The following SCARB1 variants were observed in gnomAD, a reference collection of about 807,000 sequenced individuals.
The protein encoded by SCARB1 is scavenger receptor class B member 1, also known as CD36 and LIMPII analogous 1.
SCARB1 carries 30 observed loss-of-function variants against 57.2 expected under a neutral mutation model. That is an observed-to-expected ratio of 0.52 (90% CI 0.39 to 0.71). The LOEUF (loss-of-function observed/expected upper bound fraction) is 0.71, where lower values mean the gene tolerates loss of function less well. Among genes scored for constraint, SCARB1 ranks in the 30% least tolerant of loss-of-function variants. The pLI is 0.00. For missense variants in SCARB1, 543 were observed against 671.2 expected (o/e 0.81, Z 2.11); for synonymous variants, 249 against 268.3 (o/e 0.93, Z 0.70).
intron 1 of SCARB1, among the ~76,000 whole-genome samples, chr12:124,838,598 G>A (rs1951784730): frequency 6.6e-6 from 1 of 151,986 alleles, no homozygotes; most frequent in Non-Finnish European, 1.5e-5. Context: ...TCTGCAACAG[G>A]CTCAGCATGT....
rs35835693 is a variant in SCARB1 at position 124,854,794 on chromosome 12, G to A, written c.126+8801C>T. On this transcript the variant is annotated intron_variant, in intron 1 of 12. Coordinates refer to ENST00000261693, the MANE Select transcript of SCARB1 (RefSeq NM_005505.5). ...GCTGGTGGGAGCCACAGGTGTGGCC[G>A]AGGGTGATGAGGAGCCAGCCGGGGC... is the stretch of plus-strand genomic sequence containing the variant. Among the ~76,000 whole-genome samples the A allele has an allele frequency of 5.9e-4, 90 of 152,274 alleles. 5 individuals are homozygous for A. The highest frequency in any genetic ancestry group is 1.7e-3 in the African/African-American group (72 of 41,546).
intron 7 of SCARB1, among the ~76,000 whole-genome samples, chr12:124,806,002 C>T (rs1950310390): frequency 6.6e-6 from 1 of 152,124 alleles, no homozygotes; most frequent in African/African-American, 2.4e-5. Context: ...ATTTAACTTC[C>T]GGCCGGTGCA....
rs1166638905 is a variant in SCARB1, at chr12:124,796,818, G to A, written c.1129-1550C>T. ...TGCCCTCGAGAGCCTGGTGGGATGG[G>A]CATGAGATCACCCGTGAGTAGAACA... On this transcript the variant is annotated intron_variant, in intron 8 of 12. Coordinates refer to ENST00000261693, the MANE Select transcript of SCARB1 (RefSeq NM_005505.5). This position sits in a 1 kb window ranked among gnomAD's most constrained non-coding sequence, Gnocchi z 4.0. 3.9e-5 allele frequency among the ~76,000 whole-genome samples: 6 copies of A among 152,146 alleles called. No individual in the cohort carries two copies. The highest frequency in any genetic ancestry group is 3.9e-4 in the Admixed American group (6 of 15,280).
Position 124,796,895 on chromosome 12 carries a change from C to G in SCARB1, c.1129-1627G>C, listed in dbSNP as rs1949961589. On this transcript the variant is annotated intron_variant, in intron 8 of 12. Transcript: ENST00000261693. The surrounding 1 kb of genome is among the most constrained non-coding windows in gnomAD (Gnocchi z 4.0). Reference sequence around the variant, plus strand: ...CTCTCCTTAGGAATTCTGCTGGCATCTGGGAACCCAGATTTCAGGAGGGTC... The same window carrying G: ...CTCTCCTTAGGAATTCTGCTGGCATGTGGGAACCCAGATTTCAGGAGGGTC... Among the ~76,000 whole-genome samples the G allele has an allele frequency of 6.6e-6, 1 of 152,190 alleles. No individual in the cohort carries two copies. The highest frequency in any genetic ancestry group is 2.4e-5 in the African/African-American group (1 of 41,442).
At chr12:124,860,587 G>A (rs979225186) in intron 1 of SCARB1, among the ~76,000 whole-genome samples, 1 of 152,252 alleles carries the variant, frequency 6.6e-6, no homozygotes, top group Non-Finnish European at 1.5e-5. Flanking sequence ...GTGGGTGGAT[G>A]CAGCAACAGA....
At chr12:124,863,379 G>A (rs1952980056) in intron 1 of SCARB1, among the ~76,000 whole-genome samples, 1 of 152,142 alleles carries the variant, frequency 6.6e-6, no homozygotes, top group Non-Finnish European at 1.5e-5. Flanking sequence ...AAGCCCCTGG[G>A]TTCCCCCCTA....
chr12:124,858,567 T>C (rs1252574486), intron 1 of SCARB1, among the ~76,000 whole-genome samples: 1 of 152,118 alleles, frequency 6.6e-6, no homozygotes, highest in African/African-American at 2.4e-5. Flanking sequence ...ATCTGTTCAT[T>C]CGTAATTTTT....
chr12:124,821,280 A>T, intron 1 of SCARB1: 1 of 586,220 alleles, frequency 1.7e-6, no homozygotes, highest in Non-Finnish European at 2.1e-6. Flanking sequence ...GCGCACACAC[A>T]CACACGCAGC....
At chr12:124,830,666 G>T (rs978168320) in intron 1 of SCARB1, among the ~76,000 whole-genome samples, 1 of 151,906 alleles carries the variant, frequency 6.6e-6, no homozygotes, top group African/African-American at 2.4e-5. Context: ...ACAGGGAGGG[G>T]TGCGGGGGAG....
At chr12:124,829,323 CCCCGCTGTTTT>C (rs1951291488) in intron 1 of SCARB1, among the ~76,000 whole-genome samples, 1 of 152,154 alleles carries the variant, frequency 6.6e-6, no homozygotes, top group South Asian at 2.1e-4. Flanking sequence ...GCCGTAGTTT[CCCCGCTGTTTT>C]CCTGCCTCTG....
chr12:124,842,302 A>G (rs1951939222), intron 1 of SCARB1, among the ~76,000 whole-genome samples: 1 of 152,178 alleles, frequency 6.6e-6, no homozygotes, highest in South Asian at 2.1e-4. Context: ...GGCCTCACGC[A>G]CTGGAGTTCA....
rs1040017084 is a variant in SCARB1 at position 124,822,563 on chromosome 12, A to G, written c.127-4856T>C. On this transcript the variant is annotated intron_variant, in intron 1 of 12. Coordinates refer to ENST00000261693, the MANE Select transcript of SCARB1 (RefSeq NM_005505.5). The surrounding 1 kb of genome is among the most constrained non-coding windows in gnomAD (Gnocchi z 5.0). ...CAGCTATCTTGATTTTGGTTGCCAT[A>G]TAGGTGAAGTGTATACATCTGATGC... 1.3e-5 allele frequency among the ~76,000 whole-genome samples: 2 copies of G among 152,194 alleles called. No homozygotes were observed. Among genetic ancestry groups the G allele is most frequent in the Non-Finnish European group, 2.9e-5 (2 of 68,034 alleles).
At position 124,814,457 on chromosome 12, in the gene SCARB1, C is replaced by A. The variant is rs534903229; in HGVS notation, c.427-52G>T. The A allele has an allele frequency of 3.8e-6, 6 of 1,573,928 alleles. No homozygotes were observed. In the African/African-American group the frequency reaches 4.0e-5, roughly 11 times the overall value. ...AGAGGCTGGACGTGGCTGGCCCATC[C>A]TCCCTTGGCCCCAGCTGGGCCTCAC... On this transcript the variant is annotated intron_variant, in intron 3 of 12. Transcript: ENST00000261693. The surrounding 1 kb of genome is among the most constrained non-coding windows in gnomAD (Gnocchi z 4.7).
At chr12:124,830,862 G>A (rs1226486772) in intron 1 of SCARB1, among the ~76,000 whole-genome samples, 1 of 152,030 alleles carries the variant, frequency 6.6e-6, no homozygotes, top group Non-Finnish European at 1.5e-5. Context: ...GCCCAGGCTG[G>A]AGTGCAGTGG....
chr12:124,810,375 C>A lies in SCARB1; in HGVS notation c.727-86G>T. ...TCAGGTGCTGCACACCTAACTCACC[C>A]TGGTGCACGCACGGCCACTCAATTC... is the stretch of plus-strand genomic sequence containing the variant. On this transcript the variant is annotated intron_variant, in intron 5 of 12. Transcript: ENST00000261693. This position sits in a 1 kb window ranked among gnomAD's most constrained non-coding sequence, Gnocchi z 4.0. 1 of 904,990 alleles carries A rather than the reference C, an allele frequency of 1.1e-6. No homozygotes were observed. Among genetic ancestry groups the A allele is most frequent in the South Asian group, 1.3e-5 (1 of 74,524 alleles). The allele number at this position is 904,990 out of a possible 1,614,324, so 56.1% of individuals were successfully genotyped here.
rs1169922404 is a variant in SCARB1 at position 124,778,377 on chromosome 12, CCT to C, written c.*208_*209del. 1.7e-6 allele frequency: 2 copies of C among 1,189,990 alleles called. No individual in the cohort carries two copies. The highest frequency in any genetic ancestry group is 1.6e-5 in the African/African-American group (1 of 63,356). The allele number at this position is 1,189,990 out of a possible 1,614,324, so 73.7% of individuals were successfully genotyped here. A position where few individuals can be genotyped will look rare whatever the true frequency, so the allele number is the denominator to read the frequency against. On this transcript the variant is annotated 3_prime_UTR_variant, in exon 13 of 13. Transcript: ENST00000261693. Reference sequence around the variant, plus strand: ...AAGTCCCTTCAGCAGCAGCTCCATCCCTGAGTGTCTGCACAAGCCTGCACGCA... The same window carrying C: ...AAGTCCCTTCAGCAGCAGCTCCATCCGAGTGTCTGCACAAGCCTGCACGCA...
chr12:124,831,394 G>A (rs1182106740), intron 1 of SCARB1, among the ~76,000 whole-genome samples: 1 of 152,198 alleles, frequency 6.6e-6, no homozygotes, highest in African/African-American at 2.4e-5. Context: ...TGGGATTACA[G>A]ACGTGAGCCA....
At chr12:124,835,604 C>CA (rs1951617426) in intron 1 of SCARB1, among the ~76,000 whole-genome samples, 1 of 151,854 alleles carries the variant, frequency 6.6e-6, no homozygotes, top group African/African-American at 2.4e-5. Flanking sequence ...TTAATTCACT[C>CA]AAAATTTCTT....
intron 7 of SCARB1, among the ~76,000 whole-genome samples, chr12:124,803,689 CAAAAAAAAAAA>C (rs58564503): frequency 1.0e-4 from 5 of 47,704 alleles, no homozygotes; most frequent in African/African-American, 1.9e-4. Context: ...CCCACCTCTA[CAAAAAAAAAAA>C]AAAAAAAAAA....
Sources: gnomAD v4.1 joint callset for allele counts (sites outside exome capture counted in the v4.1 genomes callset) on GRCh38, gnomAD v4.1.1 for gene constraint, Gnocchi (gnomAD v3.1) non-coding constraint, MANE v1.5 for transcripts, NCBI Gene and HGNC (gene_info 2026-07-23, HGNC 2026-07-21) for gene names.